The following BBS9 variants were observed in gnomAD, a reference collection of about 807,000 sequenced individuals.
BBS9 encodes the protein Bardet-Biedl syndrome 9, also known as protein PTHB1.
In BBS9, 89 loss-of-function variants were observed where a neutral mutation model predicts 117.7. That is an observed-to-expected ratio of 0.76 (90% CI 0.64 to 0.90). The LOEUF (loss-of-function observed/expected upper bound fraction) is 0.90, where lower values mean the gene tolerates loss of function less well. BBS9 is among the 40% of genes least tolerant of loss of function. The pLI is 0.00. For synonymous variants in BBS9, 379 were observed against 370.9 expected (o/e 1.02, Z -0.25); for missense variants, 982 against 1,042.2 (o/e 0.94, Z 0.80).
chr7:33,374,864 G>A (rs1294290634), intron 17 of BBS9, among the ~76,000 whole-genome samples: 1 of 135,594 alleles, frequency 7.4e-6, no homozygotes, highest in Non-Finnish European at 1.5e-5. Flanking sequence ...TCATGCCATT[G>A]CACTCCAGCC....
intron 10 of BBS9, among the ~76,000 whole-genome samples, chr7:33,338,597 G>A (rs1376674929): frequency 2.0e-5 from 3 of 152,088 alleles, no homozygotes; most frequent in Non-Finnish European, 2.9e-5. Context: ...TACACATGGT[G>A]TATATTATCT....
intron 9 of BBS9, among the ~76,000 whole-genome samples, chr7:33,290,263 G>A (rs867395392): frequency 9.2e-5 from 14 of 152,180 alleles, no homozygotes; most frequent in Middle Eastern, 3.4e-3. Context: ...CCTTAGCAAC[G>A]TGCATGCCAT....
Position 33,505,506 on chromosome 7 carries a change from T to C in BBS9, c.2159T>C (p.Leu720Pro). 6.2e-7 allele frequency: 1 copy of C among 1,614,200 alleles called. No homozygotes were observed. The highest frequency in any genetic ancestry group is 8.5e-7 in the Non-Finnish European group (1 of 1,179,988). The change falls in exon 20 of 23, where the codon CTG (leucine) becomes CCG (proline). Residue 720 changes from leucine (L) to proline (P), a missense_variant. By Grantham distance (98) the Leu-to-Pro change is moderately conservative. Coordinates refer to ENST00000242067, the MANE Select transcript of BBS9 (RefSeq NM_198428.3). Reference sequence around the variant, plus strand: ...GCAGTGGAGGAAAACCAAGGCAATCTGTTCCAGTCATTCACCAGGCTGAAG... The same window carrying C: ...GCAGTGGAGGAAAACCAAGGCAATCCGTTCCAGTCATTCACCAGGCTGAAG... The part of the protein sequence containing the change: ...ADAVEENQGN[L>P]FQSFTRLKSA...
At chr7:33,386,211 A>G (rs1406611665) in intron 18 of BBS9, among the ~76,000 whole-genome samples, 2 of 152,172 alleles carry the variant, frequency 1.3e-5, no homozygotes, top group Non-Finnish European at 2.9e-5. Flanking sequence ...AATACACTTT[A>G]AAAAAGTTAA....
At chr7:33,573,849 T>C (rs2129143314) in intron 21 of BBS9, among the ~76,000 whole-genome samples, 1 of 152,262 alleles carries the variant, frequency 6.6e-6, no homozygotes, top group South Asian at 2.1e-4. Flanking sequence ...CATTAACTCC[T>C]AAATAATAAA....
chr7:33,355,442 G>A (rs1476117411), intron 15 of BBS9, among the ~76,000 whole-genome samples: 1 of 151,892 alleles, frequency 6.6e-6, no homozygotes, highest in Non-Finnish European at 1.5e-5. Context: ...GATGGTTTCT[G>A]TAGACTGGTT....
chr7:33,243,734 C>T (rs1794899817), intron 5 of BBS9, among the ~76,000 whole-genome samples: 1 of 152,096 alleles, frequency 6.6e-6, no homozygotes, highest in Non-Finnish European at 1.5e-5. Flanking sequence ...CAGAGGTTCT[C>T]AATTACTATC....
At position 33,632,956 on chromosome 7, in the gene BBS9, G is replaced by T. The variant is rs146639780; in HGVS notation, c.2522-2221G>T. ...AGAATTTCTTTGGTTTGTGACAAAG[G>T]ATCAAGGAAACCTTTCAGCTGGGTG... On this transcript the variant is annotated intron_variant, in intron 21 of 21. Transcript: ENST00000671952. Among the ~76,000 whole-genome samples, 669 of 152,226 alleles carry T rather than the reference G, an allele frequency of 4.4e-3. 6 individuals are homozygous for T. The highest frequency in any genetic ancestry group is 0.013 in the African/African-American group (527 of 41,528).
At chr7:33,206,977 T>C (rs1235593386) in intron 5 of BBS9, among the ~76,000 whole-genome samples, 1 of 152,214 alleles carries the variant, frequency 6.6e-6, no homozygotes, top group Non-Finnish European at 1.5e-5. Context: ...TAAATTTTTT[T>C]TCTCATTTTG....
intron 9 of BBS9, among the ~76,000 whole-genome samples, chr7:33,304,730 TG>T (rs1216826776): frequency 2.6e-5 from 4 of 151,970 alleles, no homozygotes; most frequent in African/African-American, 9.7e-5. Flanking sequence ...GAGATCAGAT[TG>T]TTACTGTGTC....
intron 19 of BBS9, among the ~76,000 whole-genome samples, chr7:33,403,645 T>G (rs1359055069): frequency 1.3e-5 from 2 of 151,874 alleles, no homozygotes; most frequent in Non-Finnish European, 2.9e-5. Flanking sequence ...GGACATGAAC[T>G]CATCATTTTT....
chr7:33,353,425 A>G lies in BBS9; in HGVS notation c.1552+552A>G, dbSNP rs1013823202. On this transcript the variant is annotated intron_variant, in intron 15 of 22. Transcript: ENST00000242067. The stretch of plus-strand genomic sequence containing the variant: ...TGTTGTTACTCACTTTGTTTTCCCC[A>G]AATCTTTTGTTTGACTCTGCTATGA... Among the ~76,000 whole-genome samples, 3 of 152,116 alleles carry G rather than the reference A, an allele frequency of 2.0e-5. No individual in the cohort carries two copies. In the East Asian group the frequency reaches 5.8e-4, roughly 29 times the overall value.
chr7:33,219,887 C>G (rs186048695), intron 5 of BBS9, among the ~76,000 whole-genome samples: 2 of 152,312 alleles, frequency 1.3e-5, no homozygotes, highest in African/African-American at 4.8e-5. Context: ...ACTGCTCACT[C>G]TTTGGGTCCA....
intron 7 of BBS9, among the ~76,000 whole-genome samples, chr7:33,269,373 C>T (rs1167911460): frequency 1.3e-5 from 2 of 152,128 alleles, no homozygotes; most frequent in Non-Finnish European, 2.9e-5. Context: ...ATATGCCTGT[C>T]AGGGACCCTG....
At chr7:33,603,711 G>T (rs910161245) in intron 21 of BBS9, among the ~76,000 whole-genome samples, 1 of 151,974 alleles carries the variant, frequency 6.6e-6, no homozygotes, top group Non-Finnish European at 1.5e-5. Flanking sequence ...GGTATGGCTG[G>T]GCAAGTTCCA....
intron 21 of BBS9, among the ~76,000 whole-genome samples, chr7:33,569,678 C>T (rs528857875): frequency 2.3e-3 from 345 of 152,016 alleles, no homozygotes; most frequent in African/African-American, 8.0e-3. Flanking sequence ...AGGAGAATGG[C>T]GTGAACCCGG....
intron 4 of BBS9, among the ~76,000 whole-genome samples, chr7:33,162,525 TCTC>T (rs58688158): frequency 0.16 from 23,932 of 152,004 alleles, 2,046 homozygotes; most frequent in South Asian, 0.21. Context: ...GGTTTGTAGT[TCTC>T]CTTGAAGAGG....
chr7:33,251,253 C>T (rs955257487), intron 5 of BBS9, among the ~76,000 whole-genome samples: 2 of 152,268 alleles, frequency 1.3e-5, no homozygotes, highest in South Asian at 2.1e-4. Context: ...GATTCCATAC[C>T]GTATGCTCCT....
At chr7:33,217,532 A>G (rs1397205845) in intron 5 of BBS9, among the ~76,000 whole-genome samples, 1 of 152,236 alleles carries the variant, frequency 6.6e-6, no homozygotes, top group East Asian at 1.9e-4. Context: ...TGATTACTTA[A>G]ATTTTATGTG....
Sources: allele counts gnomAD v4.1 joint callset (sites outside exome capture counted in the v4.1 genomes callset), GRCh38; gene constraint gnomAD v4.1.1; transcripts MANE v1.5; gene names NCBI Gene and HGNC (gene_info 2026-07-23, HGNC 2026-07-21).